Variants in FOXN3 observed in about 807,000 individuals in gnomAD.
The protein encoded by FOXN3 is forkhead box protein N3.
A neutral mutation model predicts 38.4 loss-of-function variants in FOXN3; 7 were observed. The observed-to-expected ratio is 0.18, with a 90% CI of 0.10 to 0.34. FOXN3 has a LOEUF of 0.34. Among genes scored for constraint, FOXN3 ranks in the 10% least tolerant of loss-of-function variants. The probability of loss-of-function intolerance (pLI) is 1.00; values close to 1 mark genes in which losing one functional copy is unlikely to be tolerated. For synonymous variants in FOXN3, 230 were observed against 242.2 expected, an observed-to-expected ratio of 0.95 and a Z score of 0.47; for missense variants, 456 against 613.4, an observed-to-expected ratio of 0.74 and a Z score of 2.71.
chr14:89,177,238 T>C (rs1887545913), intron 5 of FOXN3, among the ~76,000 whole-genome samples: 1 of 152,172 alleles, frequency 6.6e-6, no homozygotes, highest in Admixed American at 6.5e-5. Context: ...CTTGAACTCC[T>C]GACCTCAGGT....
intron 4 of FOXN3, among the ~76,000 whole-genome samples, chr14:89,254,983 CTT>C (rs964482557): frequency 2.0e-5 from 3 of 152,108 alleles, no homozygotes; most frequent in Non-Finnish European, 4.4e-5. Context: ...CGATTCAGAG[CTT>C]TTTTTATTCC....
chr14:89,212,868 C>A (rs2401814), intron 4 of FOXN3, among the ~76,000 whole-genome samples: 2 of 151,958 alleles, frequency 1.3e-5, no homozygotes, highest in Non-Finnish European at 2.9e-5. Context: ...GGTTTGACAC[C>A]GCTAAGGAGC....
chr14:89,320,894 C>T (rs868283750), intron 3 of FOXN3, among the ~76,000 whole-genome samples: 4 of 152,142 alleles, frequency 2.6e-5, no homozygotes, highest in Non-Finnish European at 2.9e-5. Context: ...AGCATGGCTG[C>T]GCGATTCTCA....
At chr14:89,402,641 G>C (rs754929476) in intron 2 of FOXN3, among the ~76,000 whole-genome samples, 4 of 152,258 alleles carry the variant, frequency 2.6e-5, no homozygotes, top group Non-Finnish European at 5.9e-5. Context: ...CCAGAAGTCA[G>C]CAAGACTCCC....
chr14:89,453,163 C>T (rs904631557), intron 1 of FOXN3, among the ~76,000 whole-genome samples: 3 of 152,008 alleles, frequency 2.0e-5, no homozygotes, highest in Non-Finnish European at 4.4e-5. Context: ...GGCGCCATTG[C>T]ACTCCAGCTT....
chr14:89,579,260 C>G (rs1895697548), intron 1 of FOXN3, among the ~76,000 whole-genome samples: 1 of 151,904 alleles, frequency 6.6e-6, no homozygotes, highest in South Asian at 2.1e-4. Context: ...AAGGGATCCT[C>G]CCACCTCAGC....
At chr14:89,476,568 A>G (rs980713247) in intron 1 of FOXN3, among the ~76,000 whole-genome samples, 1 of 152,242 alleles carries the variant, frequency 6.6e-6, no homozygotes, top group African/African-American at 2.4e-5. Context: ...ATATGCACAC[A>G]TCAGAGTGAG....
At chr14:89,458,943 A>AT (rs1892782528) in intron 1 of FOXN3, among the ~76,000 whole-genome samples, 1 of 152,184 alleles carries the variant, frequency 6.6e-6, no homozygotes. Flanking sequence ...AAGGAAACAA[A>AT]TTCATCTGCA....
intron 3 of FOXN3, among the ~76,000 whole-genome samples, chr14:89,336,115 T>C (rs1888445204): frequency 6.8e-6 from 1 of 147,996 alleles, no homozygotes; most frequent in Admixed American, 7.0e-5. Context: ...TTTTCGATTT[T>C]GTCTAAAACA....
At chr14:89,376,834 T>C (rs190577039) in intron 2 of FOXN3, among the ~76,000 whole-genome samples, 88 of 151,592 alleles carry the variant, frequency 5.8e-4, no homozygotes, top group Admixed American at 5.7e-3. Context: ...GCCAACATGG[T>C]GAAACCCCGT....
intron 5 of FOXN3, among the ~76,000 whole-genome samples, chr14:89,166,855 A>T (rs768803268): frequency 1.2e-4 from 18 of 152,228 alleles, no homozygotes; most frequent in Non-Finnish European, 2.4e-4. Context: ...AGCCAGCTGC[A>T]CTGACTTGGT....
intron 3 of FOXN3, among the ~76,000 whole-genome samples, chr14:89,289,703 G>A (rs1392133051): frequency 6.6e-6 from 1 of 152,160 alleles, no homozygotes; most frequent in South Asian, 2.1e-4. Flanking sequence ...TTTTAAAAGC[G>A]TGGGCGGAAA....
At chr14:89,557,631 A>C (rs1216553932) in intron 1 of FOXN3, among the ~76,000 whole-genome samples, 1 of 152,212 alleles carries the variant, frequency 6.6e-6, no homozygotes, top group Non-Finnish European at 1.5e-5. Context: ...GCAGAAGCTG[A>C]AGGCACAGAT....
At chr14:89,530,124 G>C (rs975287520) in intron 1 of FOXN3, among the ~76,000 whole-genome samples, 11 of 151,970 alleles carry the variant, frequency 7.2e-5, no homozygotes, top group African/African-American at 2.7e-4. Flanking sequence ...ATTTTTAGTA[G>C]AGACAGGGTT....
At position 89,204,611 on chromosome 14, in the gene FOXN3, C is replaced by G. The variant is rs55802803; in HGVS notation, c.746-23805G>C. Among the ~76,000 whole-genome samples, 276 of 152,264 alleles carry G rather than the reference C, an allele frequency of 1.8e-3. 1 individual carries two copies. Among genetic ancestry groups the G allele is most frequent in the South Asian group, 4.1e-3 (20 of 4,822 alleles). ...AAAATAAAACAAAGCGCCAAAAAAG[C>G]ATTTGCATTTTCCTTTATCTTACAC... On this transcript the variant is annotated intron_variant, in intron 4 of 5. Transcript: ENST00000557258.
intron 3 of FOXN3, among the ~76,000 whole-genome samples, chr14:89,323,535 A>G (rs1305676617): frequency 6.6e-6 from 1 of 151,976 alleles, no homozygotes; most frequent in Non-Finnish European, 1.5e-5. Context: ...CCTGACCAAC[A>G]TGGTGAAACC....
chr14:89,167,851 G>A lies in FOXN3; in HGVS notation c.852-4882C>T, dbSNP rs112091266. 1.6e-3 allele frequency among the ~76,000 whole-genome samples: 241 copies of A among 152,270 alleles called. 1 individual carries two copies. Among genetic ancestry groups the A allele is most frequent in the African/African-American group, 4.9e-3 (203 of 41,560 alleles). On this transcript the variant is annotated intron_variant, in intron 5 of 5. Coordinates refer to ENST00000557258, the MANE Select transcript of FOXN3 (RefSeq NM_005197.4). ...TTCTCTATAGCGAACGTCTGCCCTCGCAGTAGAACAAGAACCCAAACTCAC... is the reference window on the plus strand; with the variant it reads ...TTCTCTATAGCGAACGTCTGCCCTCACAGTAGAACAAGAACCCAAACTCAC...
chr14:89,312,284 C>CAAACAAAAAAAA (rs1887574349), intron 3 of FOXN3, among the ~76,000 whole-genome samples: 1 of 60,608 alleles, frequency 1.6e-5, no homozygotes, highest in Non-Finnish European at 2.8e-5. Context: ...GACTCGGTCT[C>CAAACAAAAAAAA]AAAAAAAAAA....
chr14:89,297,809 T>C (rs1887089482), intron 3 of FOXN3, among the ~76,000 whole-genome samples: 1 of 151,864 alleles, frequency 6.6e-6, no homozygotes, highest in Non-Finnish European at 1.5e-5. Context: ...AAGACCCTGA[T>C]TCTACAAAAA....
Sources: allele counts gnomAD v4.1 joint callset (sites outside exome capture counted in the v4.1 genomes callset), GRCh38; gene constraint gnomAD v4.1.1; transcripts MANE v1.5; gene names NCBI Gene and HGNC (gene_info 2026-07-23, HGNC 2026-07-21).